The following PLEKHG5 variants were observed in gnomAD, a reference collection of about 807,000 sequenced individuals.
PLEKHG5 encodes the protein pleckstrin homology domain-containing family G member 5.
Under a neutral mutation model 103.8 loss-of-function variants are expected in PLEKHG5, and 52 were observed. That is an observed-to-expected ratio of 0.50 (90% CI 0.40 to 0.63). The LOEUF (loss-of-function observed/expected upper bound fraction) is 0.63, where lower values mean the gene tolerates loss of function less well. PLEKHG5 is among the 30% of genes least tolerant of loss of function. The pLI, the probability that PLEKHG5 is intolerant of heterozygous loss-of-function variation, is 0.00. For synonymous variants in PLEKHG5, 592 were observed against 575.5 expected (o/e 1.03, Z -0.41); for missense variants, 1,205 against 1,347.6 (o/e 0.89, Z 1.66).
intron 1 of PLEKHG5, among the ~76,000 whole-genome samples, chr1:6,504,051 G>T (rs775796489): frequency 7.0e-4 from 107 of 152,372 alleles, no homozygotes; most frequent in Non-Finnish European, 1.2e-3. Flanking sequence ...GTGGGACACA[G>T]GCTCCCATTG....
rs1000901276 is a variant in PLEKHG5, at chr1:6,485,218, GC to G, written c.-88+6418del. 45 of 732,024 alleles carry G rather than the reference GC, an allele frequency of 6.1e-5. No homozygotes were observed. In the African/African-American group the frequency reaches 7.6e-4, roughly 12 times the overall value. 45.3% of individuals were successfully genotyped at this position (732,024 alleles called of 1,614,324 possible). On this transcript the variant is annotated intron_variant, in intron 1 of 20. Coordinates refer to ENST00000377728, the MANE Select transcript of PLEKHG5 (RefSeq NM_020631.6). The stretch of plus-strand genomic sequence containing the variant: ...GCATCCTTCCCCTGGGGGCCGCGGG[GC>G]CCATAGTCACGGGCACCCCCTCCCT...
chr1:6,482,811 C>G (rs1194216286), intron 1 of PLEKHG5, among the ~76,000 whole-genome samples: 1 of 152,194 alleles, frequency 6.6e-6, no homozygotes, highest in Admixed American at 6.5e-5. Context: ...TGGGTTCAGA[C>G]AATTCTCCTG....
intron 1 of PLEKHG5, among the ~76,000 whole-genome samples, chr1:6,504,227 C>T (rs901880656): frequency 2.0e-5 from 3 of 152,142 alleles, no homozygotes; most frequent in Non-Finnish European, 2.9e-5. Context: ...GGACAGTGCC[C>T]GGCTGAGGGT....
exon 1 of PLEKHG5, chr1:6,519,847 C>G: frequency 2.4e-6 from 1 of 417,492 alleles, no homozygotes; most frequent in East Asian, 5.1e-5. Flanking sequence ...TTCCTGAGTG[C>G]CCATTTGCGC....
At chr1:6,469,488 G>C in intron 17 of PLEKHG5, 38 bp from the exon 18 acceptor site, 3 of 1,613,542 alleles carry the variant, frequency 1.9e-6, no homozygotes, top group Non-Finnish European at 2.5e-6. Flanking sequence ...CAGCAGAGAC[G>C]ATGGCCCCCA....
upstream of PLEKHG5, among the ~76,000 whole-genome samples, chr1:6,500,741 G>A (rs370721887): frequency 8.6e-5 from 13 of 151,536 alleles, no homozygotes; most frequent in East Asian, 2.0e-4. Context: ...GTCCCTAGGC[G>A]GACCTGGAAC....
intron 1 of PLEKHG5, among the ~76,000 whole-genome samples, chr1:6,478,933 C>T (rs1463653552): frequency 3.3e-5 from 5 of 152,246 alleles, no homozygotes; most frequent in Non-Finnish European, 4.4e-5. Context: ...CGTGAGCCAC[C>T]GCGCCCAGAC....
At position 6,475,931 on chromosome 1, in the gene PLEKHG5, C is replaced by T; in HGVS notation, c.149G>A (p.Gly50Glu). Reference sequence around the variant, plus strand: ...CTCTGCCCACTCATCCCTCACCTACCCTTTGCCATCCACAGAGCTCTCCTC... The same window carrying T: ...CTCTGCCCACTCATCCCTCACCTACTCTTTGCCATCCACAGAGCTCTCCTC... The part of the protein sequence containing the change: ...EEEESSVDGK[G>E]DRKSTGLKLS... Residue 50 changes from glycine to glutamate, a missense_variant and splice_region_variant, in exon 3 of 21, where the codon GGG becomes GAG. Transcript: ENST00000377728. 2 of 1,612,800 alleles carry T rather than the reference C, an allele frequency of 1.2e-6. No individual in the cohort carries two copies. The highest frequency in any genetic ancestry group is 1.7e-6 in the Non-Finnish European group (2 of 1,178,838).
In PLEKHG5 at chr1:6,510,669, T is replaced by C. The variant is rs186526286; in HGVS notation, c.-165+8776A>G. On this transcript the variant is annotated intron_variant, in intron 1 of 21. Coordinates refer to the PLEKHG5 transcript ENST00000377740. ...CAGGGCCAATACCTGATAGTGACCC[T>C]GGGGGCGGGGGCCAGGTGGGGCGGA... Among the ~76,000 whole-genome samples the C allele has an allele frequency of 6.0e-3, 914 of 152,318 alleles. 4 individuals carry two copies. Among genetic ancestry groups the C allele is most frequent in the African/African-American group, 0.01 (432 of 41,576 alleles).
chr1:6,484,573 G>A (rs1052090935), intron 1 of PLEKHG5, among the ~76,000 whole-genome samples: 5 of 152,094 alleles, frequency 3.3e-5, no homozygotes, highest in East Asian at 1.9e-4. Context: ...TCTGCCTCAC[G>A]TCCCACCCCC....
intron 1 of PLEKHG5, among the ~76,000 whole-genome samples, chr1:6,519,076 T>C (rs1019609024): frequency 1.3e-5 from 2 of 152,210 alleles, no homozygotes; most frequent in Admixed American, 6.5e-5. Context: ...TCTCCTAACC[T>C]TGTGATCCGC....
chr1:6,497,224 C>T, upstream of PLEKHG5: 1 of 868,054 alleles, frequency 1.2e-6, no homozygotes, highest in East Asian at 2.7e-5. The surrounding 1 kb of genome is among the most constrained non-coding windows in gnomAD (Gnocchi z 6.1). Flanking sequence ...GCGCCCACCC[C>T]CTTGCCTGGA....
Position 6,505,172 on chromosome 1 carries a change from C to T in PLEKHG5, c.-164-8603G>A, listed in dbSNP as rs1240251095. ...CTGGAGATCAGCGCTCCGGTAGCTTCTGCGGACCGGACTCAAGTTTCTGTC... is the reference window on the plus strand; with the variant it reads ...CTGGAGATCAGCGCTCCGGTAGCTTTTGCGGACCGGACTCAAGTTTCTGTC... On this transcript the variant is annotated intron_variant, in intron 1 of 21. Transcript: ENST00000377740. This position sits in a 1 kb window ranked among gnomAD's most constrained non-coding sequence, Gnocchi z 4.2. 6.6e-6 allele frequency among the ~76,000 whole-genome samples: 1 copy of T among 152,166 alleles called. No individual in the cohort carries two copies. The highest frequency in any genetic ancestry group is 1.5e-5 in the Non-Finnish European group (1 of 68,028).
In PLEKHG5 at chr1:6,490,359, C is replaced by T. The variant is rs1298378741; in HGVS notation, c.-88+1278G>A. On this transcript the variant is annotated intron_variant, in intron 1 of 20. Coordinates refer to ENST00000377728, the MANE Select transcript of PLEKHG5 (RefSeq NM_020631.6). This position sits in a 1 kb window ranked among gnomAD's most constrained non-coding sequence, Gnocchi z 8.0. ...TGGCACTACGTGGGAATCTCGAATCCGGGTTCTGTCCATCGGTTTAGGGGG... is the reference window on the plus strand; with the variant it reads ...TGGCACTACGTGGGAATCTCGAATCTGGGTTCTGTCCATCGGTTTAGGGGG... The T allele has an allele frequency of 4.0e-6, 3 of 754,180 alleles. No individual in the cohort carries two copies. Among genetic ancestry groups the T allele is most frequent in the Admixed American group, 6.3e-5 (1 of 15,958 alleles). 46.7% of individuals were successfully genotyped at this position (754,180 alleles called of 1,614,324 possible).
chr1:6,497,233 G>A (rs181025240), upstream of PLEKHG5: 4,542 of 868,298 alleles, frequency 5.2e-3, 150 homozygotes, highest in African/African-American at 0.069. This position sits in a 1 kb window ranked among gnomAD's most constrained non-coding sequence, Gnocchi z 6.1. Context: ...CCCTTGCCTG[G>A]AGCGGGCCCT....
chr1:6,496,744 A>G (rs139537940), upstream of PLEKHG5: 139 of 558,772 alleles, frequency 2.5e-4, no homozygotes, highest in Non-Finnish European at 3.9e-4. Context: ...CCGTTTGCAG[A>G]GCCCTTTTCT....
chr1:6,468,009 C>G lies in PLEKHG5; in HGVS notation c.2827G>C (p.Gly943Arg), dbSNP rs114619322. 7,016 of 1,553,344 alleles carry G rather than the reference C, an allele frequency of 4.5e-3. 264 individuals carry two copies. The African/African-American group carries it at 0.08, about 18-fold the overall frequency. Residue 943 changes from glycine to arginine, a missense_variant, in exon 20 of 21, where the codon GGC (glycine) becomes CGC (arginine). Transcript: ENST00000377728. ...CCTGCAGGTTCCCCGGCCAGGCAGC[C>G]GACTAGCCCAGGACCGCTGCCAGGG... ...PSPGSGPGLV[G>R]CLAGEPAGSH...
Position 6,469,247 on chromosome 1 carries a change from G to A in PLEKHG5, c.2050-6C>T. On this transcript the variant is annotated splice_polypyrimidine_tract_variant and splice_region_variant and intron_variant, in intron 18 of 20. Coordinates refer to ENST00000377728, the MANE Select transcript of PLEKHG5 (RefSeq NM_020631.6). ...CGCAGCTGTTGCAGCTGGTTCTGCA[G>A]GCAAGGTTGGGGTACATGGGACAGA... 1.9e-6 allele frequency: 3 copies of A among 1,614,004 alleles called. No individual in the cohort carries two copies. Among genetic ancestry groups the A allele is most frequent in the Non-Finnish European group, 2.5e-6 (3 of 1,180,024 alleles).
At chr1:6,472,239 C>G (rs567127234) in intron 10 of PLEKHG5, among the ~76,000 whole-genome samples, 174 of 152,340 alleles carry the variant, frequency 1.1e-3, no homozygotes, top group African/African-American at 4.0e-3. Context: ...AGGGCGTGGC[C>G]TGCTGGGCAC....
Sources: allele counts gnomAD v4.1 joint callset (sites outside exome capture counted in the v4.1 genomes callset), GRCh38; gene constraint gnomAD v4.1.1; non-coding constraint Gnocchi (gnomAD v3.1); transcripts MANE v1.5; gene names NCBI Gene and HGNC (gene_info 2026-07-23, HGNC 2026-07-21).